Variants in GRM7 observed in about 807,000 individuals in gnomAD.
The protein encoded by GRM7 is metabotropic glutamate receptor 7.
In GRM7, 35 loss-of-function variants were observed where a neutral mutation model predicts 84.5. That is an observed-to-expected ratio of 0.41 (90% CI 0.32 to 0.55). The LOEUF (loss-of-function observed/expected upper bound fraction) is 0.55, where lower values mean the gene tolerates loss of function less well. GRM7 is among the 20% of genes least tolerant of loss of function. The probability of loss-of-function intolerance (pLI) is 0.19; values close to 1 mark genes in which losing one functional copy is unlikely to be tolerated. For missense variants in GRM7, 1,003 were observed against 1,194.6 expected (o/e 0.84, Z 2.36); for synonymous variants, 487 against 455.1 (o/e 1.07, Z -0.89).
chr3:6,883,050 T>C (rs1219372300), intron 1 of GRM7, among the ~76,000 whole-genome samples: 2 of 152,086 alleles, frequency 1.3e-5, no homozygotes, highest in Non-Finnish European at 2.9e-5. Context: ...CGTGTGTAGA[T>C]TCTCACACTC....
intron 1 of GRM7, among the ~76,000 whole-genome samples, chr3:7,097,107 A>G (rs1019465050): frequency 3.9e-5 from 6 of 152,110 alleles, no homozygotes; most frequent in African/African-American, 9.6e-5. Context: ...CATTGAAGTC[A>G]CCCATGCATG....
chr3:7,364,569 T>C (rs1197317153), intron 4 of GRM7, among the ~76,000 whole-genome samples: 1 of 151,886 alleles, frequency 6.6e-6, no homozygotes, highest in African/African-American at 2.4e-5. Flanking sequence ...TTTTTCCTCC[T>C]ATCAGACTGA....
At chr3:6,985,983 C>T (rs1271742592) in intron 1 of GRM7, among the ~76,000 whole-genome samples, 1 of 152,100 alleles carries the variant, frequency 6.6e-6, no homozygotes, top group East Asian at 1.9e-4. Flanking sequence ...TGTGAGGTGA[C>T]AGCTCATTGT....
intron 1 of GRM7, among the ~76,000 whole-genome samples, chr3:7,046,762 A>G (rs1169575407): frequency 6.6e-6 from 1 of 152,052 alleles, no homozygotes; most frequent in Non-Finnish European, 1.5e-5. Flanking sequence ...GTCTTTTCTG[A>G]TGGATAGCGC....
intron 7 of GRM7, among the ~76,000 whole-genome samples, chr3:7,462,442 C>A (rs1211652834): frequency 6.6e-6 from 1 of 152,214 alleles, no homozygotes; most frequent in Non-Finnish European, 1.5e-5. Context: ...ATTCGACCAA[C>A]TATCAGGGCA....
chr3:7,267,291 A>G (rs1183669531), intron 2 of GRM7, among the ~76,000 whole-genome samples: 1 of 152,250 alleles, frequency 6.6e-6, no homozygotes, highest in Admixed American at 6.5e-5. Context: ...AAAGCTGAAG[A>G]TATGTGAACA....
intron 7 of GRM7, among the ~76,000 whole-genome samples, chr3:7,467,780 A>T (rs1418441650): frequency 6.6e-6 from 1 of 152,180 alleles, no homozygotes; most frequent in Non-Finnish European, 1.5e-5. Context: ...TTTCTTTACA[A>T]TCTTATTCAC....
At chr3:6,894,992 A>T (rs1038122182) in intron 1 of GRM7, among the ~76,000 whole-genome samples, 1 of 152,172 alleles carries the variant, frequency 6.6e-6, no homozygotes, top group Non-Finnish European at 1.5e-5. Context: ...ACAATTTCAT[A>T]ATCTGTTTAA....
intron 2 of GRM7, among the ~76,000 whole-genome samples, chr3:7,279,897 T>C (rs1276237378): frequency 6.6e-6 from 1 of 152,202 alleles, no homozygotes; most frequent in Non-Finnish European, 1.5e-5. Flanking sequence ...TTTTCTGCTA[T>C]GGTCATATTC....
intron 4 of GRM7, among the ~76,000 whole-genome samples, chr3:7,319,399 A>G (rs1011062745): frequency 3.3e-5 from 5 of 152,106 alleles, no homozygotes; most frequent in African/African-American, 1.2e-4. Context: ...GACAAGCTGG[A>G]GAAAATGAAA....
At chr3:7,505,807 T>G (rs1700023199) in intron 7 of GRM7, among the ~76,000 whole-genome samples, 1 of 152,196 alleles carries the variant, frequency 6.6e-6, no homozygotes, top group South Asian at 2.1e-4. Flanking sequence ...CTTGGAGGTC[T>G]GGGCCTGTGA....
At chr3:7,429,800 C>A (rs925803978) in intron 5 of GRM7, among the ~76,000 whole-genome samples, 1 of 152,098 alleles carries the variant, frequency 6.6e-6, no homozygotes, top group Non-Finnish European at 1.5e-5. Flanking sequence ...AAAGAGTTAA[C>A]ACAATTTAAA....
At chr3:7,732,222 G>A (rs73809698) in intron 9 of GRM7, among the ~76,000 whole-genome samples, 4,145 of 152,160 alleles carry the variant, frequency 0.027, 200 homozygotes, top group African/African-American at 0.094. Flanking sequence ...TATGCAGTGG[G>A]CAGGAAGGGC....
chr3:7,469,393 G>C (rs536630911), intron 7 of GRM7, among the ~76,000 whole-genome samples: 624 of 152,300 alleles, frequency 4.1e-3, no homozygotes, highest in Non-Finnish European at 6.7e-3. Flanking sequence ...AGAAATAGAA[G>C]AGTTAGTTTT....
intron 1 of GRM7, among the ~76,000 whole-genome samples, chr3:6,931,773 C>A (rs1369618092): frequency 6.6e-6 from 1 of 152,238 alleles, no homozygotes; most frequent in Non-Finnish European, 1.5e-5. Context: ...AGAACCGTGT[C>A]TCTCTTTTTG....
At chr3:7,379,736 G>T (rs1694510195) in intron 4 of GRM7, among the ~76,000 whole-genome samples, 1 of 152,068 alleles carries the variant, frequency 6.6e-6, no homozygotes, top group Non-Finnish European at 1.5e-5. Context: ...CCACTTTTGG[G>T]AACATGTTTT....
At chr3:7,737,843 ATTT>A (rs35087158) in intron 9 of GRM7, among the ~76,000 whole-genome samples, 19 of 134,414 alleles carry the variant, frequency 1.4e-4, no homozygotes, top group Non-Finnish European at 1.4e-4. Flanking sequence ...TATTCTCCCA[ATTT>A]TTTTTTTTTT....
At chr3:7,051,011 AT>A (rs1696980029) in intron 1 of GRM7, among the ~76,000 whole-genome samples, 1 of 151,838 alleles carries the variant, frequency 6.6e-6, no homozygotes, top group African/African-American at 2.4e-5. Context: ...TTTGCTCACT[AT>A]TTTTAATTTA....
chr3:7,088,620 T>A (rs76561683), intron 1 of GRM7, among the ~76,000 whole-genome samples: 162 of 134,918 alleles, frequency 1.2e-3, no homozygotes, highest in African/African-American at 4.6e-3. Flanking sequence ...GATCGTTGAA[T>A]GAATCCTTTT....
Sources: allele counts gnomAD v4.1 joint callset (sites outside exome capture counted in the v4.1 genomes callset), GRCh38; gene constraint gnomAD v4.1.1; transcripts MANE v1.5; gene names NCBI Gene and HGNC (gene_info 2026-07-23, HGNC 2026-07-21).